Variants in CDH13 observed in about 807,000 individuals in gnomAD.
CDH13 encodes cadherin 13.
Under a neutral mutation model 63.8 loss-of-function variants are expected in CDH13, and 24 were observed. The ratio of observed to expected loss-of-function variants is 0.38; its 90% CI spans 0.27 to 0.53. CDH13 has a LOEUF of 0.53. Ranked by LOEUF, CDH13 falls within the 20% of genes least tolerant of loss-of-function variation. CDH13 has a pLI of 0.85. For synonymous variants in CDH13, 503 were observed against 355.3 expected, an observed-to-expected ratio of 1.42 and a Z score of -4.67; for missense variants, 1,049 against 903.1, an observed-to-expected ratio of 1.16 and a Z score of -2.07.
intron 10 of CDH13, among the ~76,000 whole-genome samples, chr16:83,693,591 G>C (rs1905097823): frequency 1.3e-5 from 2 of 152,210 alleles, no homozygotes; most frequent in South Asian, 4.2e-4. Flanking sequence ...ATTAAGTTTT[G>C]CCATCTGCTG....
chr16:82,765,044 G>T (rs766874962), intron 1 of CDH13, among the ~76,000 whole-genome samples: 6 of 152,134 alleles, frequency 3.9e-5, no homozygotes, highest in Non-Finnish European at 5.9e-5. Flanking sequence ...TCAAACTCCT[G>T]ACCTCAGATG....
At chr16:82,901,330 G>C (rs1380839551) in intron 2 of CDH13, among the ~76,000 whole-genome samples, 26 of 143,158 alleles carry the variant, frequency 1.8e-4, no homozygotes, top group African/African-American at 6.6e-4. Context: ...TCTCCTGTGT[G>C]TGTGTGTGTG....
intron 5 of CDH13, among the ~76,000 whole-genome samples, chr16:83,310,113 C>T (rs1309479949): frequency 6.6e-6 from 1 of 152,164 alleles, no homozygotes; most frequent in Non-Finnish European, 1.5e-5. Flanking sequence ...ATTTACTGTG[C>T]ATTGGAAGTG....
chr16:83,136,319 TAAA>T (rs1181938242), intron 4 of CDH13, among the ~76,000 whole-genome samples: 1 of 151,230 alleles, frequency 6.6e-6, no homozygotes, highest in Non-Finnish European at 1.5e-5. Context: ...CTGTCTCTAC[TAAA>T]AAATACAACA....
intron 10 of CDH13, among the ~76,000 whole-genome samples, chr16:83,682,307 T>G (rs922421064): frequency 7.3e-5 from 11 of 151,518 alleles, no homozygotes; most frequent in Non-Finnish European, 1.6e-4. Context: ...CATAAGGAGG[T>G]GGGAAGAGGC....
At chr16:83,781,016 AGACTT>A (rs1164481114) in intron 12 of CDH13, among the ~76,000 whole-genome samples, 1 of 152,192 alleles carries the variant, frequency 6.6e-6, no homozygotes, top group East Asian at 1.9e-4. Flanking sequence ...AGACCTCCTC[AGACTT>A]GACTTGGTTT....
chr16:83,411,788 G>T (rs1227869802), intron 6 of CDH13, among the ~76,000 whole-genome samples: 3 of 152,154 alleles, frequency 2.0e-5, no homozygotes, highest in Non-Finnish European at 1.5e-5. Context: ...TAATATACAA[G>T]GGTAGGAAAC....
At chr16:83,433,960 T>C (rs1026540253) in intron 6 of CDH13, among the ~76,000 whole-genome samples, 5 of 152,184 alleles carry the variant, frequency 3.3e-5, no homozygotes, top group African/African-American at 4.8e-5. Context: ...AATCAATCTT[T>C]TCTATTACTT....
intron 4 of CDH13, among the ~76,000 whole-genome samples, chr16:83,196,708 G>T (rs2038889569): frequency 6.6e-6 from 1 of 152,160 alleles, no homozygotes; most frequent in Non-Finnish European, 1.5e-5. Flanking sequence ...CATTAGCCAT[G>T]AGGGAAATGC....
chr16:82,665,297 T>C (rs1376024069), intron 1 of CDH13, among the ~76,000 whole-genome samples: 2 of 152,142 alleles, frequency 1.3e-5, no homozygotes, highest in Non-Finnish European at 2.9e-5. Context: ...ACTGAGAAAA[T>C]GCATGTGTTA....
intron 1 of CDH13, among the ~76,000 whole-genome samples, chr16:82,840,294 G>C (rs1423168385): frequency 6.6e-6 from 1 of 151,208 alleles, no homozygotes; most frequent in Non-Finnish European, 1.5e-5. Context: ...AGTCTGAGGA[G>C]ACCAGCATGA....
chr16:83,032,146 A>T lies in CDH13; in HGVS notation c.294A>T (p.Ala98=), dbSNP rs2151474547. The T allele has an allele frequency of 6.2e-7, 1 of 1,613,734 alleles. No homozygotes were observed. Among genetic ancestry groups the T allele is most frequent in the Non-Finnish European group, 8.5e-7 (1 of 1,179,802 alleles). The part of the protein sequence containing the change: ...TAVGKTLFVH[A]RTPHAEDMAE... ...TGGGCAAAACTCTGTTCGTCCATGC[A>T]CGGACCCCCCATGCGGAAGATATGG... is the stretch of plus-strand genomic sequence containing the variant. The change falls in exon 3 of 14, where the codon GCA becomes GCT. Residue 98 remains alanine, a synonymous_variant. Coordinates refer to ENST00000567109, the MANE Select transcript of CDH13 (RefSeq NM_001257.5).
At chr16:83,264,417 A>G (rs1012419246) in intron 5 of CDH13, among the ~76,000 whole-genome samples, 1 of 152,130 alleles carries the variant, frequency 6.6e-6, no homozygotes, top group Non-Finnish European at 1.5e-5. Context: ...CATCAATAAC[A>G]TATGTAGAAA....
intron 9 of CDH13, among the ~76,000 whole-genome samples, chr16:83,672,337 T>G (rs972264243): frequency 6.6e-6 from 1 of 151,332 alleles, no homozygotes; most frequent in Non-Finnish European, 1.5e-5. Flanking sequence ...GGACCCACTT[T>G]TTGATAGATG....
intron 3 of CDH13, among the ~76,000 whole-genome samples, chr16:83,068,839 C>A (rs190075651): frequency 2.0e-5 from 3 of 152,270 alleles, no homozygotes; most frequent in African/African-American, 4.8e-5. Context: ...CCGTTCCCTG[C>A]CCCCTTGTTG....
intron 5 of CDH13, among the ~76,000 whole-genome samples, chr16:83,240,477 A>G (rs1904322488): frequency 6.6e-6 from 1 of 152,074 alleles, no homozygotes; most frequent in Non-Finnish European, 1.5e-5. Context: ...CAGGTGAGAA[A>G]GAGGAGAACT....
At chr16:83,785,547 T>G (rs965503429) in intron 13 of CDH13, among the ~76,000 whole-genome samples, 1 of 152,216 alleles carries the variant, frequency 6.6e-6, no homozygotes, top group Non-Finnish European at 1.5e-5. Context: ...TTATGCTTGT[T>G]TGCCCCCTTG....
intron 2 of CDH13, among the ~76,000 whole-genome samples, chr16:82,924,358 TAAAAC>T (rs1019177979): frequency 2.0e-5 from 3 of 152,166 alleles, no homozygotes; most frequent in Non-Finnish European, 2.9e-5. Flanking sequence ...AACATAATGT[TAAAAC>T]AAAACAAGAA....
chr16:83,762,574 C>T (rs976070810), intron 11 of CDH13, among the ~76,000 whole-genome samples: 2 of 152,140 alleles, frequency 1.3e-5, no homozygotes, highest in African/African-American at 2.4e-5. Flanking sequence ...GTTAGTCGCC[C>T]TGTCTTATGT....
Sources: allele counts gnomAD v4.1 joint callset (sites outside exome capture counted in the v4.1 genomes callset), GRCh38; gene constraint gnomAD v4.1.1; transcripts MANE v1.5; gene names NCBI Gene and HGNC (gene_info 2026-07-23, HGNC 2026-07-21).